UBA2: variants seen among roughly 807,000 people sequenced by gnomAD.
UBA2 encodes ubiquitin like modifier activating enzyme 2.
Under a neutral mutation model 77.2 loss-of-function variants are expected in UBA2, and 11 were observed. The observed-to-expected ratio is 0.14, with a 90% confidence interval of 0.09 to 0.24. The LOEUF is 0.24. Among genes scored for constraint, UBA2 ranks in the 10% least tolerant of loss-of-function variants. The pLI, the probability that UBA2 is intolerant of heterozygous loss-of-function variation, is 1.00. For missense variants in UBA2, 487 were observed against 781.7 expected, an observed-to-expected ratio of 0.62 and a Z score of 4.50; for synonymous variants, 278 against 276.7, an observed-to-expected ratio of 1.00 and a Z score of -0.05.
chr19:34,456,093 TCC>T (rs2075556331), intron 12 of UBA2, among the ~76,000 whole-genome samples: 1 of 103,938 alleles, frequency 9.6e-6, no homozygotes, highest in Admixed American at 1.2e-4. Context: ...GCTCTTTTTT[TCC>T]TTTTCTTTTT....
Position 34,458,749 on chromosome 19 carries a change from C to T in UBA2, c.1246-20C>T. 1.9e-6 allele frequency: 3 copies of T among 1,601,560 alleles called. No individual in the cohort carries two copies. Among genetic ancestry groups the T allele is most frequent in the Non-Finnish European group, 2.6e-6 (3 of 1,174,242 alleles). ...ATTACAGCACGTTTCCGATTTCTGC[C>T]TGTTATTTCTCCTCCAAAGATTTTT... On this transcript the variant is annotated intron_variant, in intron 12 of 16. Coordinates refer to ENST00000246548, the MANE Select transcript of UBA2 (RefSeq NM_005499.3).
intron 8 of UBA2, among the ~76,000 whole-genome samples, chr19:34,447,882 A>G (rs1328181594): frequency 6.6e-6 from 1 of 152,242 alleles, no homozygotes; most frequent in East Asian, 1.9e-4. Flanking sequence ...TTGAAAGAAT[A>G]AGAGTCAGAA....
intron 6 of UBA2, among the ~76,000 whole-genome samples, chr19:34,439,647 T>C (rs1160146427): frequency 6.6e-6 from 1 of 151,836 alleles, no homozygotes; most frequent in Non-Finnish European, 1.5e-5. Flanking sequence ...CTGGGAAACA[T>C]GGCAAAACCG....
intron 12 of UBA2, among the ~76,000 whole-genome samples, chr19:34,456,315 T>A (rs752562007): frequency 4.8e-4 from 73 of 150,948 alleles, no homozygotes; most frequent in Non-Finnish European, 9.6e-4. Flanking sequence ...GTGTTTCACC[T>A]GTTGCCCAGA....
intron 12 of UBA2, among the ~76,000 whole-genome samples, chr19:34,456,881 A>T (rs559331090): frequency 1.5e-4 from 23 of 151,994 alleles, no homozygotes; most frequent in Admixed American, 2.6e-4. Context: ...TAAATTATTT[A>T]AAAAAAATTT....
In UBA2 at chr19:34,470,720, C is replaced by G. The variant is rs2075727410; in HGVS notation, c.*1499C>G. 6.6e-6 allele frequency: 1 copy of G among 152,156 alleles called. No individual in the cohort carries two copies. The highest frequency in any genetic ancestry group is 1.5e-5 in the Non-Finnish European group (1 of 68,106). 9.4% of individuals were successfully genotyped at this position (152,156 alleles called of 1,614,324 possible). A position where few individuals can be genotyped will look rare whatever the true frequency, so the allele number is the denominator to read the frequency against. On this transcript the variant is annotated 3_prime_UTR_variant, in exon 17 of 17. Coordinates refer to ENST00000246548, the MANE Select transcript of UBA2 (RefSeq NM_005499.3). ...TGTATTTTTAGTAGAGATGGGGTTT[C>G]ACTATGTTGGCCAGGCTGGTCTGGA...
At chr19:34,428,771 C>A in intron 1 of UBA2, 1 of 1,135,396 alleles carries the variant, frequency 8.8e-7, no homozygotes. Context: ...GGCCTCCGCT[C>A]GCTGGGCCGG....
chr19:34,428,482 G>T lies in UBA2; in HGVS notation c.50G>T (p.Gly17Val). 7.7e-7 allele frequency: 1 copy of T among 1,295,152 alleles called. No individual in the cohort carries two copies. The highest frequency in any genetic ancestry group is 9.8e-7 in the Non-Finnish European group (1 of 1,015,496). The allele number at this position is 1,295,152 out of a possible 1,614,324, so 80.2% of individuals were successfully genotyped here. Residue 17 changes from glycine to valine, a missense_variant, in exon 1 of 17, where the codon GGG (glycine) becomes GTG (valine). Physicochemically the swap from Gly to Val is moderately radical, Grantham distance 109. Transcript: ENST00000246548. ...CGGGAGCTGGCTGAGGCGGTGGCCG[G>T]GGGCCGGGTGCTGGTGGTGGGGGCG... Reference protein sequence around the residue: ...LPRELAEAVAGGRVLVVGAGG... With the variant: ...LPRELAEAVAVGRVLVVGAGG...
At chr19:34,464,555 C>T (rs1026799810) in intron 15 of UBA2, among the ~76,000 whole-genome samples, 5 of 100,714 alleles carry the variant, frequency 5.0e-5, no homozygotes, top group African/African-American at 1.4e-4. Flanking sequence ...GAGACTCCAA[C>T]TTAAAAAAAA....
chr19:34,457,182 AT>A (rs1568381597), intron 12 of UBA2, among the ~76,000 whole-genome samples: 139 of 85,596 alleles, frequency 1.6e-3, no homozygotes, highest in East Asian at 0.012. Context: ...AAAAAAAAAT[AT>A]ATATATATAT....
chr19:34,434,002 G>C (rs1359064096), intron 4 of UBA2, among the ~76,000 whole-genome samples: 1 of 152,108 alleles, frequency 6.6e-6, no homozygotes, highest in Admixed American at 6.6e-5. Context: ...GGGGATGCTT[G>C]AGTGATATTC....
At chr19:34,463,902 A>C in intron 14 of UBA2, 124 bp from the exon 15 acceptor site, 1 of 669,604 alleles carries the variant, frequency 1.5e-6, no homozygotes, top group Non-Finnish European at 2.7e-6. Flanking sequence ...TTAGGGTTTC[A>C]ACCTTTGGAT....
At chr19:34,445,402 ACTT>A (rs1306299680) in intron 8 of UBA2, among the ~76,000 whole-genome samples, 5 of 149,528 alleles carry the variant, frequency 3.3e-5, no homozygotes, top group Non-Finnish European at 7.4e-5. Context: ...TTTTTACAGA[ACTT>A]CTTCGTTTTC....
chr19:34,465,870 T>C (rs569573450), intron 15 of UBA2, among the ~76,000 whole-genome samples: 3 of 152,156 alleles, frequency 2.0e-5, no homozygotes, highest in Non-Finnish European at 4.4e-5. Flanking sequence ...ATCATATTTT[T>C]TAGCTCTCTG....
chr19:34,443,059 A>G lies in UBA2; in HGVS notation c.582-785A>G, dbSNP rs575709141. Among the ~76,000 whole-genome samples, 3 of 152,328 alleles carry G rather than the reference A, an allele frequency of 2.0e-5. No homozygotes were observed. The South Asian group carries it at 6.2e-4, about 32-fold the overall frequency. ...AGAGAATCTCAGCTTAATACTTTCA[A>G]ATTGTTTGTTAACACTCTGTTCAGC... On this transcript the variant is annotated intron_variant, in intron 6 of 16. Coordinates refer to ENST00000246548, the MANE Select transcript of UBA2 (RefSeq NM_005499.3).
chr19:34,452,256 AAT>A, intron 10 of UBA2, 109 bp downstream of exon 10: 2 of 1,005,416 alleles, frequency 2.0e-6, no homozygotes, highest in South Asian at 4.2e-5. Context: ...ATTTTGAGGA[AAT>A]ATATTGATTT....
intron 5 of UBA2, among the ~76,000 whole-genome samples, chr19:34,436,105 C>T (rs1209951305): frequency 2.9e-5 from 3 of 103,120 alleles, no homozygotes; most frequent in Non-Finnish European, 6.1e-5. Flanking sequence ...GGGCAACGAG[C>T]GAAACTCTGT....
chr19:34,465,890 C>T (rs1028738706), intron 15 of UBA2, among the ~76,000 whole-genome samples: 14 of 152,082 alleles, frequency 9.2e-5, no homozygotes, highest in African/African-American at 3.4e-4. Context: ...GGGAACAGAA[C>T]CCCACCCCTT....
chr19:34,464,337 C>A (rs2075664648), intron 15 of UBA2, among the ~76,000 whole-genome samples: 1 of 152,074 alleles, frequency 6.6e-6, no homozygotes, highest in African/African-American at 2.4e-5. Context: ...TGTGGCGGAT[C>A]ACCTGAGGTC....
Sources: allele counts gnomAD v4.1 joint callset (sites outside exome capture counted in the v4.1 genomes callset), GRCh38; gene constraint gnomAD v4.1.1; transcripts MANE v1.5; gene names NCBI Gene and HGNC (gene_info 2026-07-23, HGNC 2026-07-21).